Variants in PCLO observed in about 807,000 individuals in gnomAD.
The protein encoded by PCLO is piccolo presynaptic cytomatrix protein.
In PCLO, 82 loss-of-function variants were observed where a neutral mutation model predicts 427.5. That is an observed-to-expected ratio of 0.19 (90% CI 0.16 to 0.23). The LOEUF is 0.23. Among genes scored for constraint, PCLO ranks in the 10% least tolerant of loss-of-function variants. The pLI, the probability that PCLO is intolerant of heterozygous loss-of-function variation, is 1.00. For missense variants in PCLO, 6,239 were observed against 6,115.9 expected (o/e 1.02, Z -0.67); for synonymous variants, 2,357 against 2,155.4 (o/e 1.09, Z -2.59).
At chr7:82,843,878 GT>G (rs1365691821) in intron 13 of PCLO, among the ~76,000 whole-genome samples, 1 of 151,726 alleles carries the variant, frequency 6.6e-6, no homozygotes, top group Non-Finnish European at 1.5e-5. Flanking sequence ...GTTGGTTAGG[GT>G]GGTCTCGAAC....
intron 3 of PCLO, among the ~76,000 whole-genome samples, chr7:83,056,463 A>T (rs2116289579): frequency 6.6e-6 from 1 of 152,312 alleles, no homozygotes; most frequent in African/African-American, 2.4e-5. Context: ...GAAATAATAC[A>T]AATTAGTCAA....
chr7:83,029,980 A>G (rs1583930298), intron 3 of PCLO, among the ~76,000 whole-genome samples: 1 of 94,670 alleles, frequency 1.1e-5, no homozygotes, highest in Non-Finnish European at 2.0e-5. Context: ...GGGAGGGGGG[A>G]GGGATAGCAT....
intron 22 of PCLO, among the ~76,000 whole-genome samples, chr7:82,773,054 T>C (rs143330758): frequency 1.3e-5 from 2 of 152,248 alleles, no homozygotes; most frequent in East Asian, 3.9e-4. Flanking sequence ...CAGTCAAGCT[T>C]AACGAAACAA....
Position 82,956,443 on chromosome 7 carries a change from T to C in PCLO, c.4510A>G (p.Thr1504Ala). The change falls in exon 5 of 25, where the codon ACT becomes GCT. Residue 1504 changes from threonine to alanine, a missense_variant. Thr to Ala is a moderately conservative substitution (Grantham distance 58). Transcript: ENST00000333891. ...KEKSEFVDDITTRREPYDSVE... is the reference protein window; with the variant it reads ...KEKSEFVDDIATRREPYDSVE... ...GAATCATAAGGCTCTCTTCTAGTAG[T>C]TATGTCATCAACAAACTCAGACTTC... is the stretch of plus-strand genomic sequence containing the variant. 1.2e-6 allele frequency: 2 copies of C among 1,613,762 alleles called. No homozygotes were observed. The highest frequency in any genetic ancestry group is 1.7e-6 in the Non-Finnish European group (2 of 1,179,776).
At chr7:83,005,092 A>G (rs1267621678) in intron 3 of PCLO, among the ~76,000 whole-genome samples, 2 of 151,694 alleles carry the variant, frequency 1.3e-5, no homozygotes, top group South Asian at 2.1e-4. Context: ...AGAAAACAGT[A>G]TAAGTGTTTC....
intron 3 of PCLO, among the ~76,000 whole-genome samples, chr7:83,010,809 G>A (rs1405362565): frequency 2.0e-5 from 3 of 151,784 alleles, no homozygotes; most frequent in Non-Finnish European, 4.4e-5. Flanking sequence ...TCCATGTAAA[G>A]AATAAATCTC....
intron 6 of PCLO, among the ~76,000 whole-genome samples, chr7:82,946,880 A>C (rs1319042498): frequency 6.6e-6 from 1 of 152,212 alleles, no homozygotes; most frequent in Non-Finnish European, 1.5e-5. Context: ...CAGTAAGGGC[A>C]AGTGTAGAAG....
chr7:82,817,929 C>A (rs2189247), intron 20 of PCLO, among the ~76,000 whole-genome samples: 71,971 of 151,870 alleles, frequency 0.47, 17,995 homozygotes, highest in East Asian at 0.85. Context: ...AGGTTTTTCA[C>A]ACTTAAATTT....
At chr7:82,778,095 A>T (rs2129468025) in intron 22 of PCLO, among the ~76,000 whole-genome samples, 1 of 152,326 alleles carries the variant, frequency 6.6e-6, no homozygotes, top group African/African-American at 2.4e-5. Flanking sequence ...CCCATTAAAA[A>T]GTGAGAAAAG....
At chr7:82,849,375 G>T (rs1029550811) in intron 10 of PCLO, among the ~76,000 whole-genome samples, 12 of 152,094 alleles carry the variant, frequency 7.9e-5, no homozygotes, top group Admixed American at 5.2e-4. Context: ...TGCACCAATG[G>T]AAATTCTTTT....
At chr7:83,079,820 T>C (rs2371536) in intron 3 of PCLO, among the ~76,000 whole-genome samples, 42,808 of 151,892 alleles carry the variant, frequency 0.28, 7,140 homozygotes, top group East Asian at 0.56. Flanking sequence ...AACCCATTAC[T>C]TAAGTATTAA....
intron 3 of PCLO, among the ~76,000 whole-genome samples, chr7:82,997,517 A>G (rs1344980543): frequency 6.6e-6 from 1 of 152,064 alleles, no homozygotes; most frequent in African/African-American, 2.4e-5. Flanking sequence ...ATTAGTAACA[A>G]CAACTACAAA....
Position 82,955,752 on chromosome 7 carries a change from A to C in PCLO, c.5201T>G (p.Val1734Gly). 6.2e-7 allele frequency: 1 copy of C among 1,613,908 alleles called. No homozygotes were observed. The change falls in exon 5 of 25, where the codon GTA becomes GGA. Residue 1734 changes from valine (V) to glycine (G), a missense_variant. Transcript: ENST00000333891. ...SFTPGTSPTS[V>G]SSLDEDSDSS... ...GTCACTGTCCTCATCAAGTGATGATACTGATGTAGGGGATGTACCAGGAGT... is the reference window on the plus strand; with the variant it reads ...GTCACTGTCCTCATCAAGTGATGATCCTGATGTAGGGGATGTACCAGGAGT...
chr7:83,092,331 T>C (rs1790398160), intron 3 of PCLO, among the ~76,000 whole-genome samples: 4 of 152,170 alleles, frequency 2.6e-5, no homozygotes, highest in Admixed American at 2.6e-4. Flanking sequence ...CCTTAAGCCA[T>C]TATCCCTTAT....
intron 10 of PCLO, among the ~76,000 whole-genome samples, chr7:82,866,691 CA>C (rs1793102445): frequency 4.0e-5 from 6 of 151,558 alleles, no homozygotes; most frequent in Admixed American, 6.6e-5. Context: ...CACACACACA[CA>C]CACACCCCTT....
intron 6 of PCLO, among the ~76,000 whole-genome samples, chr7:82,945,883 C>T (rs1795190268): frequency 6.6e-6 from 1 of 152,092 alleles, no homozygotes; most frequent in Non-Finnish European, 1.5e-5. Flanking sequence ...TTAAAAAAAT[C>T]AAGCATGACA....
At chr7:82,973,002 A>G (rs979418130) in intron 3 of PCLO, among the ~76,000 whole-genome samples, 3 of 152,046 alleles carry the variant, frequency 2.0e-5, no homozygotes, top group Non-Finnish European at 4.4e-5. Context: ...TTACAATTCA[A>G]TGTGACATTC....
chr7:82,848,303 A>AGTTTT (rs1792556972), intron 10 of PCLO, among the ~76,000 whole-genome samples: 1 of 78,348 alleles, frequency 1.3e-5, no homozygotes, highest in Non-Finnish European at 2.8e-5. Flanking sequence ...ACCATTAGTT[A>AGTTTT]GTTTTTTTTT....
At chr7:82,964,969 G>A (rs989556665) in intron 4 of PCLO, among the ~76,000 whole-genome samples, 1 of 152,158 alleles carries the variant, frequency 6.6e-6, no homozygotes, top group Admixed American at 6.6e-5. Flanking sequence ...GTAAGTCATT[G>A]CTGTCCTCTG....
Sources: allele counts gnomAD v4.1 joint callset (sites outside exome capture counted in the v4.1 genomes callset), GRCh38; gene constraint gnomAD v4.1.1; transcripts MANE v1.5; gene names NCBI Gene and HGNC (gene_info 2026-07-23, HGNC 2026-07-21).